SAMMSON: variants seen among roughly 807,000 people sequenced by gnomAD.
The protein encoded by SAMMSON is long intergenic non-protein coding RNA 1212.
intron 4 of SAMMSON, among the ~76,000 whole-genome samples, chr3:70,161,179 C>G (rs1216334652): frequency 2.0e-5 from 3 of 151,932 alleles, no homozygotes; most frequent in Admixed American, 2.0e-4. Context: ...TTCTTCCTAT[C>G]TAATTGCACT....
At chr3:70,266,502 C>G (rs1701918044) in intron 6 of SAMMSON, among the ~76,000 whole-genome samples, 1 of 152,072 alleles carries the variant, frequency 6.6e-6, no homozygotes, top group Non-Finnish European at 1.5e-5. Context: ...CTCACTGCAG[C>G]CTGCATCTCC....
intron 7 of SAMMSON, among the ~76,000 whole-genome samples, chr3:70,311,198 T>C (rs1255570821): frequency 6.6e-6 from 1 of 152,194 alleles, no homozygotes; most frequent in East Asian, 1.9e-4. Context: ...CATTAAATGC[T>C]GAAAAAGACG....
chr3:70,241,429 G>T (rs1420344727), intron 4 of SAMMSON, among the ~76,000 whole-genome samples: 1 of 152,102 alleles, frequency 6.6e-6, no homozygotes, highest in African/African-American at 2.4e-5. Context: ...CACTAAAAAA[G>T]TTTATATCTC....
chr3:70,414,372 A>G (rs1421515713), intron 2 of SAMMSON, among the ~76,000 whole-genome samples: 2 of 152,184 alleles, frequency 1.3e-5, no homozygotes, highest in Non-Finnish European at 2.9e-5. Context: ...TAAGAGGAAA[A>G]TAACTAAAAA....
At chr3:70,308,946 G>A (rs1030853185) in intron 7 of SAMMSON, among the ~76,000 whole-genome samples, 4 of 152,142 alleles carry the variant, frequency 2.6e-5, no homozygotes, top group African/African-American at 9.7e-5. Flanking sequence ...TTTTAACAGT[G>A]AGCAGTGTTC....
intron 4 of SAMMSON, among the ~76,000 whole-genome samples, chr3:70,247,589 G>T (rs1701719489): frequency 6.6e-6 from 1 of 151,616 alleles, no homozygotes. Context: ...AATTCTATTA[G>T]AATTTTAATA....
intron 1 of SAMMSON, among the ~76,000 whole-genome samples, chr3:70,010,996 C>T (rs1241877421): frequency 6.6e-6 from 1 of 152,088 alleles, no homozygotes; most frequent in Non-Finnish European, 1.5e-5. Flanking sequence ...TGGTTCCAAC[C>T]TTGACTCATG....
At chr3:70,240,983 T>G (rs972113534) in intron 4 of SAMMSON, among the ~76,000 whole-genome samples, 1 of 152,168 alleles carries the variant, frequency 6.6e-6, no homozygotes, top group Non-Finnish European at 1.5e-5. Context: ...ATCTTGGCCT[T>G]TCACAGTCAA....
chr3:70,293,677 T>A (rs1307845501), intron 7 of SAMMSON, among the ~76,000 whole-genome samples: 2 of 152,098 alleles, frequency 1.3e-5, no homozygotes, highest in Non-Finnish European at 2.9e-5. Flanking sequence ...CCATTTTCTC[T>A]TTCCAGAAAA....
At chr3:70,075,863 T>C (rs533917202) in intron 4 of SAMMSON, among the ~76,000 whole-genome samples, 1 of 145,456 alleles carries the variant, frequency 6.9e-6, no homozygotes, top group East Asian at 2.0e-4. Flanking sequence ...TTTTCTATAA[T>C]TGTTATTTTT....
At chr3:70,094,719 C>G (rs1055986722) in intron 4 of SAMMSON, 1 of 152,204 alleles carries the variant, frequency 6.6e-6, no homozygotes, top group Non-Finnish European at 1.5e-5. Context: ...GAAGGTGGGT[C>G]CACCTATCCT....
intron 4 of SAMMSON, among the ~76,000 whole-genome samples, chr3:70,171,416 A>C (rs2106699583): frequency 6.6e-6 from 1 of 151,998 alleles, no homozygotes; most frequent in Non-Finnish European, 1.5e-5. Context: ...TGTGAATATA[A>C]GTTTAAAAAA....
At chr3:70,309,475 A>G (rs1702436545) in intron 7 of SAMMSON, among the ~76,000 whole-genome samples, 1 of 152,192 alleles carries the variant, frequency 6.6e-6, no homozygotes. Flanking sequence ...TCACATTCCC[A>G]TAATCTCATA....
intron 4 of SAMMSON, chr3:70,096,016 G>A (rs2067321806): frequency 6.6e-6 from 1 of 152,150 alleles, no homozygotes; most frequent in Non-Finnish European, 1.5e-5. Flanking sequence ...TTCTGCCTCA[G>A]GGTCTCTCAC....
At chr3:70,340,953 C>T (rs1257445590) in intron 7 of SAMMSON, among the ~76,000 whole-genome samples, 1 of 152,086 alleles carries the variant, frequency 6.6e-6, no homozygotes, top group Non-Finnish European at 1.5e-5. Context: ...AGTTAATAAG[C>T]CTTTCTGAGT....
chr3:70,215,732 A>G (rs1021503849), intron 4 of SAMMSON, among the ~76,000 whole-genome samples: 6 of 152,128 alleles, frequency 3.9e-5, no homozygotes, highest in South Asian at 2.1e-4. Flanking sequence ...ATTCAGCTCA[A>G]TTTCTCAGAA....
chr3:70,270,229 T>A (rs1190278110), intron 6 of SAMMSON, among the ~76,000 whole-genome samples: 2 of 152,174 alleles, frequency 1.3e-5, no homozygotes, highest in Non-Finnish European at 2.9e-5. Context: ...ACCAGTTGGT[T>A]TTACAAATGA....
At chr3:70,325,402 T>A (rs934554522) in intron 7 of SAMMSON, among the ~76,000 whole-genome samples, 1 of 152,162 alleles carries the variant, frequency 6.6e-6, no homozygotes, top group Non-Finnish European at 1.5e-5. Flanking sequence ...AGTGTGGATC[T>A]GATTAGCTGA....
At chr3:70,355,320 A>G (rs1369807447) in intron 8 of SAMMSON, among the ~76,000 whole-genome samples, 6 of 152,318 alleles carry the variant, frequency 3.9e-5, no homozygotes, top group Non-Finnish European at 7.3e-5. Context: ...AAATCTTCCA[A>G]CAAGGAAGAG....
Sources: gnomAD v4.1 joint callset for allele counts (sites outside exome capture counted in the v4.1 genomes callset) on GRCh38, gnomAD v4.1.1 for gene constraint, MANE v1.5 for transcripts, NCBI Gene and HGNC (gene_info 2026-07-23, HGNC 2026-07-21) for gene names.